CLRN3: variants seen among roughly 807,000 people sequenced by gnomAD.
The protein encoded by CLRN3 is clarin-3.
In CLRN3, 12 loss-of-function variants were observed where a neutral mutation model predicts 16.7. That is an observed-to-expected ratio of 0.72 (90% CI 0.46 to 1.16). The LOEUF (loss-of-function observed/expected upper bound fraction) is 1.16, where lower values mean the gene tolerates loss of function less well. CLRN3 is among the 50% of genes most tolerant of loss of function. CLRN3 has a pLI of 0.00. For synonymous variants in CLRN3, 118 were observed against 113.0 expected (o/e 1.04, Z -0.28); for missense variants, 296 against 274.2 (o/e 1.08, Z -0.56).
chr10:127,883,717 A>G lies in CLRN3; in HGVS notation c.388T>C (p.Tyr130His), dbSNP rs767321944. The change falls in exon 2 of 3, where the codon TAC becomes CAC. Residue 130 changes from tyrosine (Y) to histidine (H), a missense_variant. Transcript: ENST00000368671. The part of the protein sequence containing the change: ...YQTFLGPTGV[Y>H]TWNGLGASFV... ...TCACCACCGAGCCCGTTCCAGGTGT[A>G]CACCCCCGTCGGCCCCAGGAATGTC... 1 of 1,613,532 alleles carries G rather than the reference A, an allele frequency of 6.2e-7. No homozygotes were observed. Among genetic ancestry groups the G allele is most frequent in the Admixed American group, 1.7e-5 (1 of 60,016 alleles).
chr10:127,884,211 A>G (rs1354625814), intron 1 of CLRN3, among the ~76,000 whole-genome samples: 1 of 152,194 alleles, frequency 6.6e-6, no homozygotes, highest in Admixed American at 6.5e-5. Context: ...CGTCCTTGCC[A>G]AGGTGCTTTT....
Position 127,883,821 on chromosome 10 carries a change from A to T in CLRN3, c.284T>A (p.Leu95Gln). 6.2e-7 allele frequency: 1 copy of T among 1,614,230 alleles called. No homozygotes were observed. Among genetic ancestry groups the T allele is most frequent in the Non-Finnish European group, 8.5e-7 (1 of 1,180,040 alleles). The change falls in exon 2 of 3, where the codon CTG becomes CAG. Residue 95 changes from leucine (L) to glutamine (Q), a missense_variant. Transcript: ENST00000368671. ...SQKTLHSVTILFLVLSLITSL... is the reference protein window; with the variant it reads ...SQKTLHSVTIQFLVLSLITSL... Reference sequence around the variant, plus strand: ...CGTGATCAAACTCAGGACCAGGAACAGGATAGTCACCGAATGCAGAGTTTT... The same window carrying T: ...CGTGATCAAACTCAGGACCAGGAACTGGATAGTCACCGAATGCAGAGTTTT...
chr10:127,878,312 G>T lies in CLRN3; in HGVS notation c.518C>A (p.Thr173Lys). Reference sequence around the variant, plus strand: ...GAACGAGTATCCGTAACTGTGGGTCGTTCCTTTACTGGTGGTTGCCGGGTA... The same window carrying T: ...GAACGAGTATCCGTAACTGTGGGTCTTTCCTTTACTGGTGGTTGCCGGGTA... ...MLYPATTSKG[T>K]THSYGYSFWL... Residue 173 changes from threonine (T) to lysine (K), a missense_variant, in exon 3 of 3, where the codon ACG becomes AAG. Coordinates refer to ENST00000368671, the MANE Select transcript of CLRN3 (RefSeq NM_152311.5). 2 of 1,614,210 alleles carry T rather than the reference G, an allele frequency of 1.2e-6. No homozygotes were observed. The highest frequency in any genetic ancestry group is 1.6e-4 in the Middle Eastern group (1 of 6,062).
At chr10:127,889,480 C>T (rs528283267) in intron 1 of CLRN3, among the ~76,000 whole-genome samples, 3 of 151,988 alleles carry the variant, frequency 2.0e-5, no homozygotes, top group African/African-American at 4.8e-5. Flanking sequence ...AAAAATTAGC[C>T]GGGTGTTGTA....
chr10:127,883,285 T>C (rs1177835084), intron 2 of CLRN3, among the ~76,000 whole-genome samples: 2 of 151,886 alleles, frequency 1.3e-5, no homozygotes, highest in East Asian at 1.9e-4. Context: ...TGTGTGTGTG[T>C]GTGTGCACAT....
At position 127,892,582 on chromosome 10, in the gene CLRN3, A is replaced by C; in HGVS notation, c.203T>G (p.Leu68Arg). The C allele has an allele frequency of 3.7e-6, 6 of 1,605,128 alleles. No individual in the cohort carries two copies. The highest frequency in any genetic ancestry group is 5.1e-6 in the Non-Finnish European group (6 of 1,171,726). Residue 68 changes from leucine to arginine, a missense_variant, in exon 1 of 3, where the codon CTT (leucine) becomes CGT (arginine). Physicochemically the swap from Leu to Arg is moderately radical, Grantham distance 102. Coordinates refer to ENST00000368671, the MANE Select transcript of CLRN3 (RefSeq NM_152311.5). ...GESSEELSHG[L>R]AEPKKKFAVL... ...TGCAAACTTTTTCTTTGGTTCTGCA[A>C]GTCCGTGACTCAATTCTTCACTACT...
At chr10:127,884,542 G>A (rs2135081155) in intron 1 of CLRN3, among the ~76,000 whole-genome samples, 1 of 152,370 alleles carries the variant, frequency 6.6e-6, no homozygotes, top group South Asian at 2.1e-4. Flanking sequence ...GGAGGCGGCT[G>A]GGAATTCGCC....
intron 2 of CLRN3, among the ~76,000 whole-genome samples, chr10:127,879,218 AC>A (rs1845097286): frequency 6.6e-6 from 1 of 152,056 alleles, no homozygotes; most frequent in African/African-American, 2.4e-5. Context: ...CATTGATCCT[AC>A]CACCTCAGCC....
In CLRN3 at chr10:127,880,302, G is replaced by A. The variant is rs552518544; in HGVS notation, c.410-1882C>T. On this transcript the variant is annotated intron_variant, in intron 2 of 2. Coordinates refer to ENST00000368671, the MANE Select transcript of CLRN3 (RefSeq NM_152311.5). Reference sequence around the variant, plus strand: ...ACTTTGATTTGAATGGGGAGGGGCCGACACACAGACACAAAATGCAAACCT... The same window carrying A: ...ACTTTGATTTGAATGGGGAGGGGCCAACACACAGACACAAAATGCAAACCT... Among the ~76,000 whole-genome samples, 29 of 152,218 alleles carry A rather than the reference G, an allele frequency of 1.9e-4. 1 individual carries two copies. The highest frequency in any genetic ancestry group is 6.2e-4 in the South Asian group (3 of 4,808).
In CLRN3 at chr10:127,878,323, G is replaced by C; in HGVS notation, c.507C>G (p.Thr169=). Residue 169 remains threonine, a synonymous_variant, in exon 3 of 3, where the codon ACC becomes ACG. Coordinates refer to ENST00000368671, the MANE Select transcript of CLRN3 (RefSeq NM_152311.5). The part of the protein sequence containing the change: ...ELFQMLYPAT[T]SKGTTHSYGY... The stretch of plus-strand genomic sequence containing the variant: ...CGTAACTGTGGGTCGTTCCTTTACT[G>C]GTGGTTGCCGGGTAAAGCATTTGGA... The C allele has an allele frequency of 6.2e-7, 1 of 1,614,192 alleles. No homozygotes were observed. Among genetic ancestry groups the C allele is most frequent in the Non-Finnish European group, 8.5e-7 (1 of 1,180,040 alleles).
intron 1 of CLRN3, among the ~76,000 whole-genome samples, chr10:127,885,930 T>G (rs1047266698): frequency 1.3e-5 from 2 of 152,110 alleles, no homozygotes; most frequent in Admixed American, 6.5e-5. Context: ...TAATTTTGTA[T>G]TTTTAGTAGA....
In CLRN3 at chr10:127,878,395, T is replaced by C; in HGVS notation, c.435A>G (p.Ile145Met). 1 of 1,613,940 alleles carries C rather than the reference T, an allele frequency of 6.2e-7. No individual in the cohort carries two copies. The highest frequency in any genetic ancestry group is 8.5e-7 in the Non-Finnish European group (1 of 1,179,794). The change falls in exon 3 of 3, where the codon ATA becomes ATG. Residue 145 changes from isoleucine (I) to methionine (M), a missense_variant. Ile to Met is a conservative substitution (Grantham distance 10, BLOSUM62 1). Transcript: ENST00000368671. ...TGGACTGCGTGTTCGCCACAAACAG[T>C]ATCATGGTCACAAAAACGAAGGATG... ...LGASFVFVTM[I>M]LFVANTQSNQ...
intron 1 of CLRN3, among the ~76,000 whole-genome samples, chr10:127,891,705 C>T (rs113775206): frequency 0.019 from 2,849 of 152,308 alleles, 46 homozygotes; most frequent in Middle Eastern, 0.041. Flanking sequence ...TCATGCATTA[C>T]ACAAGGACTA....
chr10:127,891,954 A>T (rs1211638661), intron 1 of CLRN3, among the ~76,000 whole-genome samples: 1 of 152,180 alleles, frequency 6.6e-6, no homozygotes, highest in Non-Finnish European at 1.5e-5. Flanking sequence ...ATGAACTTTT[A>T]ATTTTACTTC....
intron 1 of CLRN3, among the ~76,000 whole-genome samples, chr10:127,889,616 G>A (rs1591262705): frequency 6.6e-6 from 1 of 152,016 alleles, no homozygotes; most frequent in East Asian, 1.9e-4. Context: ...AAGCAGCCTG[G>A]GTGATGAAAA....
At chr10:127,885,890 G>T (rs1045079815) in intron 1 of CLRN3, among the ~76,000 whole-genome samples, 1 of 152,024 alleles carries the variant, frequency 6.6e-6, no homozygotes, top group African/African-American at 2.4e-5. Context: ...CAAGTAGCTG[G>T]GATTACAGGC....
intron 1 of CLRN3, among the ~76,000 whole-genome samples, chr10:127,884,346 G>A (rs1320315231): frequency 1.3e-5 from 2 of 152,210 alleles, no homozygotes; most frequent in African/African-American, 2.4e-5. Context: ...GTGGCATCTG[G>A]GGTAATTGCA....
At chr10:127,890,694 A>G (rs911058992) in intron 1 of CLRN3, among the ~76,000 whole-genome samples, 5 of 152,142 alleles carry the variant, frequency 3.3e-5, no homozygotes, top group Non-Finnish European at 5.9e-5. Context: ...AAAAGCCCCA[A>G]GTGACCACGA....
intron 1 of CLRN3, among the ~76,000 whole-genome samples, chr10:127,887,648 A>T (rs1484254227): frequency 1.3e-5 from 2 of 152,110 alleles, no homozygotes; most frequent in African/African-American, 4.8e-5. Context: ...CGGCTTTCTG[A>T]ATTTCCTGCC....
Sources: gnomAD v4.1 joint callset for allele counts (sites outside exome capture counted in the v4.1 genomes callset) on GRCh38, gnomAD v4.1.1 for gene constraint, MANE v1.5 for transcripts, NCBI Gene and HGNC (gene_info 2026-07-23, HGNC 2026-07-21) for gene names.